The following PDE3B variants were observed in gnomAD, a reference collection of about 807,000 sequenced individuals.
The protein encoded by PDE3B is phosphodiesterase 3B.
In PDE3B, 66 loss-of-function variants were observed where a neutral mutation model predicts 116.8. The observed-to-expected ratio is 0.56, with a 90% CI of 0.46 to 0.69. The LOEUF (loss-of-function observed/expected upper bound fraction) is 0.69, where lower values mean the gene tolerates loss of function less well. Ranked by LOEUF, PDE3B falls within the 30% of genes least tolerant of loss-of-function variation. PDE3B has a pLI of 0.00. For synonymous variants in PDE3B, 595 were observed against 533.6 expected, an observed-to-expected ratio of 1.12 and a Z score of -1.59; for missense variants, 1,384 against 1,368.1, an observed-to-expected ratio of 1.01 and a Z score of -0.18.
chr11:14,763,965 C>T (rs1857427817), intron 1 of PDE3B, among the ~76,000 whole-genome samples: 1 of 151,976 alleles, frequency 6.6e-6, no homozygotes, highest in East Asian at 1.9e-4. Flanking sequence ...AAATAAAATT[C>T]ACTAAAAAGT....
intron 1 of PDE3B, among the ~76,000 whole-genome samples, chr11:14,705,323 A>G (rs1855496603): frequency 6.6e-6 from 1 of 152,000 alleles, no homozygotes; most frequent in African/African-American, 2.4e-5. Flanking sequence ...GGAATGAACT[A>G]TGAACACACA....
At chr11:14,891,623 C>A in the PDE3B span, 2 of 1,079,440 alleles carry the variant, frequency 1.9e-6, no homozygotes, top group South Asian at 2.9e-5. Context: ...GCAAGACGCC[C>A]GCACCTGAGG....
intron 1 of PDE3B, among the ~76,000 whole-genome samples, chr11:14,680,649 A>C (rs1471138432): frequency 6.6e-6 from 1 of 152,210 alleles, no homozygotes; most frequent in Non-Finnish European, 1.5e-5. Context: ...TTCTGTCTAC[A>C]AAACTGACAT....
intron 12 of PDE3B, among the ~76,000 whole-genome samples, chr11:14,844,704 G>T (rs964674162): frequency 1.3e-5 from 2 of 152,214 alleles, no homozygotes; most frequent in Non-Finnish European, 2.9e-5. Flanking sequence ...TGGCTCGGAG[G>T]GTCCTATGGC....
intron 5 of PDE3B, among the ~76,000 whole-genome samples, chr11:14,809,728 C>A (rs549598999): frequency 1.3e-5 from 2 of 152,118 alleles, no homozygotes; most frequent in Admixed American, 1.3e-4. Flanking sequence ...AGCTAGCTAT[C>A]CTGTCAGCCA....
chr11:14,711,039 G>T (rs1340310391), intron 1 of PDE3B, among the ~76,000 whole-genome samples: 1 of 152,100 alleles, frequency 6.6e-6, no homozygotes, highest in Non-Finnish European at 1.5e-5. Context: ...TAAAAATTAT[G>T]ATTTTTTTAA....
the PDE3B span, chr11:14,892,197 C>A: frequency 1.8e-5 from 29 of 1,610,110 alleles, no homozygotes; most frequent in Non-Finnish European, 2.4e-5. Flanking sequence ...CTCTCCAAAG[C>A]TTCCACATCG....
At chr11:14,687,962 A>G (rs139939799) in intron 1 of PDE3B, among the ~76,000 whole-genome samples, 2 of 152,308 alleles carry the variant, frequency 1.3e-5, no homozygotes, top group Middle Eastern at 3.4e-3. Flanking sequence ...GGTTCTGAAA[A>G]CATAGGAGAT....
chr11:14,816,864 T>C (rs779859666), intron 5 of PDE3B, among the ~76,000 whole-genome samples: 4 of 152,228 alleles, frequency 2.6e-5, no homozygotes, highest in African/African-American at 4.8e-5. Flanking sequence ...TCAACCATTG[T>C]GGAAGATAGT....
chr11:14,749,815 T>C (rs1857005410), intron 1 of PDE3B, among the ~76,000 whole-genome samples: 1 of 143,562 alleles, frequency 7.0e-6, no homozygotes, highest in Non-Finnish European at 1.5e-5. Flanking sequence ...CACATGCACA[T>C]CCTCCTATAT....
Position 14,793,105 on chromosome 11 carries a change from T to G in PDE3B, c.1415+3863T>G, listed in dbSNP as rs538112536. ...GAGATTATGACCCTTAATCTTGCCTTCTGCTTAAGTTTCAGATCTGGGATG... is the reference window on the plus strand; with the variant it reads ...GAGATTATGACCCTTAATCTTGCCTGCTGCTTAAGTTTCAGATCTGGGATG... On this transcript the variant is annotated intron_variant, in intron 4 of 15. Transcript: ENST00000282096. 2.0e-5 allele frequency among the ~76,000 whole-genome samples: 3 copies of G among 152,270 alleles called. No homozygotes were observed. In the South Asian group the frequency reaches 6.2e-4, roughly 32 times the overall value.
At chr11:14,796,846 T>C (rs914376626) in intron 4 of PDE3B, among the ~76,000 whole-genome samples, 3 of 152,230 alleles carry the variant, frequency 2.0e-5, no homozygotes, top group Non-Finnish European at 4.4e-5. Context: ...GTAGTTTCTT[T>C]TGCTGTGCAG....
At chr11:14,695,283 G>A (rs972980050) in intron 1 of PDE3B, among the ~76,000 whole-genome samples, 23 of 152,240 alleles carry the variant, frequency 1.5e-4, no homozygotes, top group African/African-American at 5.3e-4. Flanking sequence ...TCACCAGTTT[G>A]TTGGGTTTCA....
intron 2 of PDE3B, among the ~76,000 whole-genome samples, chr11:14,781,175 C>T (rs1238444425): frequency 6.6e-6 from 1 of 152,100 alleles, no homozygotes; most frequent in Non-Finnish European, 1.5e-5. Context: ...TAATTAAGAG[C>T]CTACCAACCA....
intron 1 of PDE3B, among the ~76,000 whole-genome samples, chr11:14,657,376 T>G (rs1049710902): frequency 6.6e-6 from 1 of 152,200 alleles, no homozygotes; most frequent in Admixed American, 6.5e-5. Context: ...CCAGTCAGTA[T>G]TAGTCACTTT....
intron 1 of PDE3B, among the ~76,000 whole-genome samples, chr11:14,743,678 G>A (rs1447505264): frequency 1.3e-5 from 2 of 152,206 alleles, no homozygotes; most frequent in Non-Finnish European, 2.9e-5. Flanking sequence ...TGAAACCCAG[G>A]ACCCTGGTGG....
chr11:14,884,039 T>G, the PDE3B span, among the ~76,000 whole-genome samples: 1 of 152,138 alleles, frequency 6.6e-6, no homozygotes, highest in African/African-American at 2.4e-5. Flanking sequence ...CAACAGGTGC[T>G]GGAGAGGATG....
intron 2 of PDE3B, among the ~76,000 whole-genome samples, chr11:14,778,228 C>G (rs1317160033): frequency 6.6e-6 from 1 of 152,216 alleles, no homozygotes; most frequent in Non-Finnish European, 1.5e-5. Flanking sequence ...CTGTAGACTC[C>G]ACCTCTGGGG....
intron 1 of PDE3B, among the ~76,000 whole-genome samples, chr11:14,713,722 A>ACC (rs1414718148): frequency 6.8e-6 from 1 of 146,438 alleles, no homozygotes; most frequent in Non-Finnish European, 1.5e-5. Flanking sequence ...ACACACACAC[A>ACC]CACACTCACA....
Sources: gnomAD v4.1 joint callset for allele counts (sites outside exome capture counted in the v4.1 genomes callset) on GRCh38, gnomAD v4.1.1 for gene constraint, MANE v1.5 for transcripts, NCBI Gene and HGNC (gene_info 2026-07-23, HGNC 2026-07-21) for gene names.